Variants in OTOG observed in about 807,000 individuals in gnomAD.
The protein encoded by OTOG is otogelin.
A neutral mutation model predicts 313.8 loss-of-function variants in OTOG; 296 were observed. The ratio of observed to expected loss-of-function variants is 0.94; its 90% CI spans 0.86 to 1.04. The LOEUF (loss-of-function observed/expected upper bound fraction) is 1.04, where lower values mean the gene tolerates loss of function less well. Among genes scored for constraint, OTOG ranks in the 50% least tolerant of loss-of-function variants. The pLI is 0.00. For synonymous variants in OTOG, 1,533 were observed against 1,554.9 expected, an observed-to-expected ratio of 0.99 and a Z score of 0.33; for missense variants, 3,948 against 3,840.1, an observed-to-expected ratio of 1.03 and a Z score of -0.74.
intron 24 of OTOG, among the ~76,000 whole-genome samples, chr11:17,588,880 A>C (rs1852867427): frequency 1.3e-5 from 2 of 149,592 alleles, no homozygotes; most frequent in Non-Finnish European, 3.0e-5. Context: ...TTTCTACTCC[A>C]CTCCCTCTCA....
chr11:17,583,269 A>G (rs372701090), intron 23 of OTOG, among the ~76,000 whole-genome samples: 3 of 152,168 alleles, frequency 2.0e-5, no homozygotes, highest in South Asian at 4.2e-4. Context: ...TGAGTAGCTA[A>G]GACTACAGGT....
intron 15 of OTOG, 79 bp from the exon 16 acceptor site, chr11:17,569,077 C>G: frequency 6.7e-7 from 1 of 1,491,174 alleles, no homozygotes; most frequent in Non-Finnish European, 9.1e-7. Flanking sequence ...GGGCTGGGGT[C>G]TCTGTCCCTA....
At chr11:17,551,588 C>T (rs554231950) in intron 3 of OTOG, among the ~76,000 whole-genome samples, 198 of 152,146 alleles carry the variant, frequency 1.3e-3, no homozygotes, top group African/African-American at 4.5e-3. Context: ...GGGTGAGGGG[C>T]TGCCTTTGTT....
chr11:17,558,076 C>T, intron 8 of OTOG, 109 bp from the exon 9 acceptor site: 15 of 1,358,262 alleles, frequency 1.1e-5, no homozygotes, highest in Non-Finnish European at 1.5e-5. Flanking sequence ...CCGGATTCTT[C>T]AAAACTCCTT....
chr11:17,548,900 G>A (rs1007532942), intron 3 of OTOG, among the ~76,000 whole-genome samples: 4 of 151,984 alleles, frequency 2.6e-5, no homozygotes, highest in Non-Finnish European at 2.9e-5. Context: ...AATTTTTTTG[G>A]TAGAGACAGA....
At chr11:17,613,224 T>TTTCTTTCTTTCC in intron 38 of OTOG, among the ~76,000 whole-genome samples, 1 of 136,866 alleles carries the variant, frequency 7.3e-6, no homozygotes, top group Non-Finnish European at 1.5e-5. Flanking sequence ...TCTTTCTTTC[T>TTTCTTTCTTTCC]TTCTTTCTTT....
At chr11:17,558,731 G>C in intron 10 of OTOG, 87 bp downstream of exon 10, 1 of 1,304,396 alleles carries the variant, frequency 7.7e-7, no homozygotes, top group Admixed American at 2.0e-5. Context: ...GGTGATCCCA[G>C]GCACTGCCAG....
chr11:17,611,218 C>T lies in OTOG; in HGVS notation c.5918C>T (p.Thr1973Met), dbSNP rs868729716. The T allele has an allele frequency of 4.6e-5, 71 of 1,550,436 alleles. 2 individuals are homozygous for T. In the Admixed American group the frequency reaches 1.0e-3, roughly 22 times the overall value. The change falls in exon 36 of 56, where the codon ACG becomes ATG. Residue 1973 changes from threonine (T) to methionine (M), a missense_variant. Coordinates refer to ENST00000399397, the MANE Select transcript of OTOG (RefSeq NM_001292063.2). ...SYALSRVSARTAPQDSMLVLL... is the reference protein window; with the variant it reads ...SYALSRVSARMAPQDSMLVLL... The stretch of plus-strand genomic sequence containing the variant: ...GCCCTGAGCCGTGTCTCAGCCAGGA[C>T]GGCCCCCCAAGACAGCATGCTGGTT...
chr11:17,636,024 TC>T (rs1164229891), intron 47 of OTOG, among the ~76,000 whole-genome samples: 1 of 152,198 alleles, frequency 6.6e-6, no homozygotes, highest in Non-Finnish European at 1.5e-5. Context: ...AAGTCCTCAT[TC>T]CCTGACTGAC....
Position 17,597,910 on chromosome 11 carries a change from G to A in OTOG, c.3682+903G>A, listed in dbSNP as rs532892895. On this transcript the variant is annotated intron_variant, in intron 30 of 55. Coordinates refer to ENST00000399397, the MANE Select transcript of OTOG (RefSeq NM_001292063.2). ...GAGTCTCTTCGTCTGTAATAGAAGGGTGAAGATAACTGCTTCTACCTTGTA... is the reference window on the plus strand; with the variant it reads ...GAGTCTCTTCGTCTGTAATAGAAGGATGAAGATAACTGCTTCTACCTTGTA... 2.6e-5 allele frequency among the ~76,000 whole-genome samples: 4 copies of A among 152,338 alleles called. No individual in the cohort carries two copies. The East Asian group carries it at 7.7e-4, about 29-fold the overall frequency.
Position 17,639,403 on chromosome 11 carries a change from T to A in OTOG, c.7895-20T>A. On this transcript the variant is annotated intron_variant, in intron 48 of 55. Coordinates refer to ENST00000399397, the MANE Select transcript of OTOG (RefSeq NM_001292063.2). Reference sequence around the variant, plus strand: ...TGGACATCCCTGATGAAGTGGGGCCTGGCCCCTTGTGTTTTTCAGAATGTG... The same window carrying A: ...TGGACATCCCTGATGAAGTGGGGCCAGGCCCCTTGTGTTTTTCAGAATGTG... 16 of 1,550,616 alleles carry A rather than the reference T, an allele frequency of 1.0e-5. No individual in the cohort carries two copies. The highest frequency in any genetic ancestry group is 1.4e-5 in the Non-Finnish European group (16 of 1,146,936).
intron 38 of OTOG, among the ~76,000 whole-genome samples, chr11:17,613,374 C>CCT (rs1565119211): frequency 1.1e-4 from 8 of 74,620 alleles, no homozygotes; most frequent in African/African-American, 1.6e-4. Context: ...CCTTCCTTCC[C>CCT]TCCTTCCTTC....
chr11:17,627,736 T>C (rs1854022222), intron 39 of OTOG, among the ~76,000 whole-genome samples: 1 of 152,206 alleles, frequency 6.6e-6, no homozygotes, highest in Non-Finnish European at 1.5e-5. Context: ...TGGGAGACTT[T>C]TTATTACAGC....
At chr11:17,630,285 A>G (rs1053367160) in intron 40 of OTOG, among the ~76,000 whole-genome samples, 2 of 151,890 alleles carry the variant, frequency 1.3e-5, no homozygotes, top group Non-Finnish European at 2.9e-5. Flanking sequence ...CATCACTACC[A>G]CCATCTTTTT....
At chr11:17,549,685 C>A (rs1471426120) in intron 3 of OTOG, among the ~76,000 whole-genome samples, 2 of 152,206 alleles carry the variant, frequency 1.3e-5, no homozygotes, top group East Asian at 3.9e-4. Flanking sequence ...CCAAACACTT[C>A]ATTTCCCTGT....
At chr11:17,606,727 T>G in intron 33 of OTOG, among the ~76,000 whole-genome samples, 1 of 152,216 alleles carries the variant, frequency 6.6e-6, no homozygotes, top group Non-Finnish European at 1.5e-5. Context: ...TTCTCTGTCT[T>G]GCATGGGGCT....
rs939158613 is a variant in OTOG at position 17,557,222 on chromosome 11, C to G, written c.764C>G (p.Ser255Trp). 1.0e-5 allele frequency: 16 copies of G among 1,550,470 alleles called. No homozygotes were observed. The highest frequency in any genetic ancestry group is 2.4e-5 in the South Asian group (2 of 84,056). ...SAFTLAWDGA[S>W]AVYIKMSPEL... is the part of the protein sequence containing the mutation. ...TTCACACTGGCCTGGGATGGTGCCT[C>G]GGCTGTCTACATCAAGATGAGTCCA... The change falls in exon 8 of 56, where the codon TCG becomes TGG. Residue 255 changes from serine to tryptophan, a missense_variant. Transcript: ENST00000399397.
intron 39 of OTOG, among the ~76,000 whole-genome samples, chr11:17,617,395 T>C (rs1853747083): frequency 6.6e-6 from 1 of 152,230 alleles, no homozygotes; most frequent in African/African-American, 2.4e-5. Flanking sequence ...TATTTATTCC[T>C]TAAACATTTG....
chr11:17,640,748 G>A lies in OTOG; in HGVS notation c.7939G>A (p.Glu2647Lys). ...TIPVPRCHLWEKSQLDEEFMH... is the reference protein window; with the variant it reads ...TIPVPRCHLWKKSQLDEEFMH... The stretch of plus-strand genomic sequence containing the variant: ...TGACTGCCTCTGCCCCACCCAGTGG[G>A]AGAAATCCCAGCTGGATGAGGAGTT... Residue 2647 changes from glutamate to lysine, a missense_variant, in exon 50 of 56, where the codon GAG becomes AAG. Coordinates refer to ENST00000399397, the MANE Select transcript of OTOG (RefSeq NM_001292063.2). The A allele has an allele frequency of 6.5e-7, 1 of 1,549,880 alleles. No homozygotes were observed. Among genetic ancestry groups the A allele is most frequent in the Non-Finnish European group, 8.7e-7 (1 of 1,146,992 alleles).
Sources: allele counts gnomAD v4.1 joint callset (sites outside exome capture counted in the v4.1 genomes callset), GRCh38; gene constraint gnomAD v4.1.1; transcripts MANE v1.5; gene names NCBI Gene and HGNC (gene_info 2026-07-23, HGNC 2026-07-21).